VAC14: variants seen among roughly 807,000 people sequenced by gnomAD.
The protein encoded by VAC14 is protein VAC14 homolog.
A neutral mutation model predicts 85.3 loss-of-function variants in VAC14; 47 were observed. The observed-to-expected ratio is 0.55, with a 90% CI of 0.44 to 0.70. The LOEUF is 0.70. Ranked by LOEUF, VAC14 falls within the 30% of genes least tolerant of loss-of-function variation. VAC14 has a pLI of 0.00. For missense variants in VAC14, 861 were observed against 1,004.3 expected (o/e 0.86, Z 1.93); for synonymous variants, 447 against 430.5 (o/e 1.04, Z -0.47).
At chr16:70,697,311 C>A in intron 15 of VAC14, 54 bp from the exon 16 acceptor site, 3 of 1,498,012 alleles carry the variant, frequency 2.0e-6, no homozygotes, top group South Asian at 1.2e-5. Flanking sequence ...TGCCCCTACC[C>A]GGTCCACGTG....
At chr16:70,718,580 A>C (rs533951995) in intron 14 of VAC14, among the ~76,000 whole-genome samples, 28 of 151,804 alleles carry the variant, frequency 1.8e-4, no homozygotes, top group East Asian at 7.8e-4. Flanking sequence ...TTTTAAAAAA[A>C]AAAAAAACAA....
chr16:70,699,162 G>C (rs1016306812), intron 14 of VAC14: 1 of 235,078 alleles, frequency 4.3e-6, no homozygotes. Flanking sequence ...CTGAGCAATG[G>C]CCCCCACCCC....
intron 10 of VAC14, chr16:70,768,706 T>C: frequency 2.4e-6 from 1 of 413,112 alleles, no homozygotes; most frequent in Non-Finnish European, 4.8e-6. Flanking sequence ...TCGGTCCAAG[T>C]GAGAAATCTT....
At position 70,735,705 on chromosome 16, in the gene VAC14, T is replaced by C. The variant is rs532463823; in HGVS notation, c.1529-4078A>G. Among the ~76,000 whole-genome samples, 3 of 152,358 alleles carry C rather than the reference T, an allele frequency of 2.0e-5. No individual in the cohort carries two copies. In the East Asian group the frequency reaches 5.8e-4, roughly 29 times the overall value. On this transcript the variant is annotated intron_variant, in intron 13 of 18. Transcript: ENST00000261776. ...CCAAGAACCTCCTAGACAGCTCGCG[T>C]GAGCGGCATGAAGGAGCCCTGAGTG... is the stretch of plus-strand genomic sequence containing the variant.
intron 13 of VAC14, among the ~76,000 whole-genome samples, chr16:70,736,758 T>C (rs556638212): frequency 7.2e-5 from 11 of 152,166 alleles, no homozygotes; most frequent in Non-Finnish European, 1.5e-4. Context: ...GCCCTCACAG[T>C]GCTCCCAAGG....
intron 14 of VAC14, among the ~76,000 whole-genome samples, chr16:70,727,627 T>C (rs1023250072): frequency 2.6e-5 from 4 of 152,198 alleles, no homozygotes; most frequent in Non-Finnish European, 5.9e-5. Context: ...CATGAGCCAC[T>C]GCACCCAGCC....
intron 9 of VAC14, among the ~76,000 whole-genome samples, chr16:70,779,856 A>T (rs1313146011): frequency 2.6e-5 from 4 of 150,954 alleles, no homozygotes; most frequent in Admixed American, 2.6e-4. Context: ...TTTTTTTGAG[A>T]TAGGGTCTTT....
intron 18 of VAC14, chr16:70,689,433 A>G: frequency 1.0e-6 from 1 of 985,230 alleles, no homozygotes; most frequent in Non-Finnish European, 1.2e-6. Context: ...AGTTCAGTCC[A>G]GCAGGAAGAG....
intron 14 of VAC14, among the ~76,000 whole-genome samples, chr16:70,717,251 G>C (rs2142997698): frequency 6.6e-6 from 1 of 152,346 alleles, no homozygotes; most frequent in Middle Eastern, 3.4e-3. Context: ...GAAGGCTGGG[G>C]TGCCGAGAGG....
chr16:70,690,612 G>A, intron 18 of VAC14: 1 of 985,476 alleles, frequency 1.0e-6, no homozygotes, highest in Non-Finnish European at 1.2e-6. Context: ...CAGAACCAGG[G>A]ATGGGCGAGG....
At chr16:70,791,011 G>A (rs573272500) in intron 1 of VAC14, among the ~76,000 whole-genome samples, 3 of 152,310 alleles carry the variant, frequency 2.0e-5, no homozygotes, top group South Asian at 2.1e-4. Context: ...TCTGTTCCAC[G>A]AATCAAGCCT....
chr16:70,692,905 A>C lies in VAC14; in HGVS notation c.2102T>G (p.Leu701Arg), dbSNP rs772420345. The C allele has an allele frequency of 6.2e-7, 1 of 1,609,900 alleles. No homozygotes were observed. The highest frequency in any genetic ancestry group is 2.2e-5 in the East Asian group (1 of 44,784). The part of the protein sequence containing the change: ...PYLIKALYGL[L>R]MLLPQSSAFQ... ...GGCGCTGCTCTGCGGCAGGAGCATG[A>C]GCAGGCCGTAGAGGGCCTTGATCAG... Residue 701 changes from leucine (L) to arginine (R), a missense_variant, in exon 18 of 19, where the codon CTC becomes CGC. Physicochemically the swap from Leu to Arg is moderately radical, Grantham distance 102. This residue lies in a region of VAC14 where 163 missense variants were observed against 162.2 expected (regional missense o/e 1.00). Coordinates refer to ENST00000261776, the MANE Select transcript of VAC14 (RefSeq NM_018052.5).
intron 18 of VAC14, chr16:70,691,003 C>G (rs2053585639): frequency 1.0e-6 from 1 of 985,288 alleles, no homozygotes; most frequent in Admixed American, 6.1e-5. Context: ...AAATCCATGG[C>G]AGAGCTCACA....
At chr16:70,702,758 A>C (rs747357828) in intron 14 of VAC14, among the ~76,000 whole-genome samples, 10 of 152,130 alleles carry the variant, frequency 6.6e-5, no homozygotes, top group Non-Finnish European at 1.2e-4. Context: ...TTGAGTCAGG[A>C]AGCTGGGGAG....
At chr16:70,706,029 T>C (rs1048346509) in intron 14 of VAC14, among the ~76,000 whole-genome samples, 5 of 152,318 alleles carry the variant, frequency 3.3e-5, no homozygotes, top group African/African-American at 1.2e-4. Context: ...TTCATGCCTC[T>C]GCTTCTCCAG....
chr16:70,741,408 G>C (rs767136514), intron 13 of VAC14, among the ~76,000 whole-genome samples: 1 of 152,256 alleles, frequency 6.6e-6, no homozygotes, highest in Non-Finnish European at 1.5e-5. Flanking sequence ...CGGGGAAGCA[G>C]GGCACACTCT....
intron 10 of VAC14, 86 bp downstream of exon 10, chr16:70,772,023 T>C (rs1269563364): frequency 3.9e-6 from 5 of 1,276,212 alleles, no homozygotes; most frequent in Non-Finnish European, 5.6e-6. Context: ...GAATTTGCCT[T>C]GGGTCATTGC....
chr16:70,779,375 A>C (rs2033695601), intron 9 of VAC14, among the ~76,000 whole-genome samples: 1 of 152,230 alleles, frequency 6.6e-6, no homozygotes, highest in Admixed American at 6.5e-5. Flanking sequence ...TGTTATCCTT[A>C]AAGATCTGAG....
At chr16:70,731,284 A>G in intron 14 of VAC14, 1 of 1,341,860 alleles carries the variant, frequency 7.5e-7, no homozygotes, top group Non-Finnish European at 9.5e-7. Context: ...GTTGTGCGGA[A>G]AAACATCAAC....
Sources: allele counts gnomAD v4.1 joint callset (sites outside exome capture counted in the v4.1 genomes callset), GRCh38; gene constraint gnomAD v4.1.1; regional missense constraint gnomAD v4.1.1; transcripts MANE v1.5; gene names NCBI Gene and HGNC (gene_info 2026-07-23, HGNC 2026-07-21).